FAM83B: variants seen among roughly 807,000 people sequenced by gnomAD.
FAM83B encodes protein FAM83B.
Under a neutral mutation model 38.8 loss-of-function variants are expected in FAM83B, and 26 were observed. The ratio of observed to expected loss-of-function variants is 0.67; its 90% CI spans 0.49 to 0.93. The LOEUF is 0.93. FAM83B is among the 40% of genes least tolerant of loss of function. The probability of loss-of-function intolerance (pLI) is 0.00; values close to 1 mark genes in which losing one functional copy is unlikely to be tolerated. For synonymous variants in FAM83B, 419 were observed against 423.1 expected (o/e 0.99, Z 0.12); for missense variants, 1,237 against 1,197.3 (o/e 1.03, Z -0.49).
chr6:54,856,557 AT>A (rs982447179), intron 1 of FAM83B, among the ~76,000 whole-genome samples: 3 of 152,048 alleles, frequency 2.0e-5, no homozygotes, highest in Non-Finnish European at 4.4e-5. Flanking sequence ...ATCCAGCAGC[AT>A]TTTACACATT....
intron 2 of FAM83B, among the ~76,000 whole-genome samples, chr6:54,910,885 T>TC (rs398048560): frequency 1.1e-3 from 167 of 152,010 alleles, no homozygotes; most frequent in African/African-American, 3.1e-3. Context: ...CTGTTTTTTT[T>TC]CCCAAACATG....
At chr6:54,885,345 T>C (rs933534982) in intron 2 of FAM83B, among the ~76,000 whole-genome samples, 1 of 152,038 alleles carries the variant, frequency 6.6e-6, no homozygotes, top group African/African-American at 2.4e-5. Flanking sequence ...TCACATATCA[T>C]TTGTTTGATT....
intron 2 of FAM83B, among the ~76,000 whole-genome samples, chr6:54,877,752 T>C (rs775161602): frequency 6.6e-6 from 1 of 152,192 alleles, no homozygotes; most frequent in Non-Finnish European, 1.5e-5. Flanking sequence ...ATTTTACTGA[T>C]GAAAAATACT....
chr6:54,865,546 A>C (rs1155750), intron 1 of FAM83B, among the ~76,000 whole-genome samples: 1 of 152,056 alleles, frequency 6.6e-6, no homozygotes, highest in African/African-American at 2.4e-5. Flanking sequence ...AAAGCATTCA[A>C]TACTTGGAGA....
chr6:54,870,770 T>G, intron 2 of FAM83B, 80 bp downstream of exon 2: 2 of 1,300,134 alleles, frequency 1.5e-6, no homozygotes, highest in Non-Finnish European at 1.0e-6. Flanking sequence ...ATATGTATGT[T>G]AATAAAAGAA....
chr6:54,853,897 A>G (rs1771375998), intron 1 of FAM83B, among the ~76,000 whole-genome samples: 1 of 152,234 alleles, frequency 6.6e-6, no homozygotes, highest in Non-Finnish European at 1.5e-5. Flanking sequence ...AGAAATCACC[A>G]TTCTACATGC....
chr6:54,876,894 C>T (rs1425033103), intron 2 of FAM83B, among the ~76,000 whole-genome samples: 7 of 152,048 alleles, frequency 4.6e-5, no homozygotes, highest in Non-Finnish European at 2.9e-5. Flanking sequence ...TTTATGTTTA[C>T]TCATTCTTTC....
At chr6:54,875,496 AT>A (rs1247022006) in intron 2 of FAM83B, among the ~76,000 whole-genome samples, 9 of 152,168 alleles carry the variant, frequency 5.9e-5, no homozygotes, top group Non-Finnish European at 8.8e-5. Flanking sequence ...TGGAAATAAT[AT>A]TTTGCTTAGT....
Sources: gnomAD v4.1 joint callset for allele counts (sites outside exome capture counted in the v4.1 genomes callset) on GRCh38, gnomAD v4.1.1 for gene constraint, MANE v1.5 for transcripts, NCBI Gene and HGNC (gene_info 2026-07-23, HGNC 2026-07-21) for gene names.